CASC3: variants seen among roughly 807,000 people sequenced by gnomAD.
CASC3 encodes CASC3 exon junction complex subunit, also known as protein CASC3.
In CASC3, 30 loss-of-function variants were observed where a neutral mutation model predicts 80.5. The observed-to-expected ratio is 0.37, with a 90% CI of 0.28 to 0.51. CASC3 has a LOEUF of 0.51. CASC3 is among the 20% of genes least tolerant of loss of function. The pLI, the probability that CASC3 is intolerant of heterozygous loss-of-function variation, is 0.94. For missense variants in CASC3, 824 were observed against 922.2 expected, an observed-to-expected ratio of 0.89 and a Z score of 1.38; for synonymous variants, 312 against 333.6, an observed-to-expected ratio of 0.94 and a Z score of 0.70.
intron 3 of CASC3, among the ~76,000 whole-genome samples, chr17:40,150,439 TG>T (rs1988974824): frequency 6.6e-6 from 1 of 151,596 alleles, no homozygotes; most frequent in Non-Finnish European, 1.5e-5. Flanking sequence ...TGTGTGTGTG[TG>T]TGTGTAACCC....
intron 1 of CASC3, 160 bp downstream of exon 1, chr17:40,140,939 G>T: frequency 1.5e-6 from 1 of 648,422 alleles, no homozygotes. Flanking sequence ...GTTTGCATCC[G>T]GAGTTCCAAG....
At position 40,171,784 on chromosome 17, in the gene CASC3, G is replaced by A. The variant is rs1404324112; in HGVS notation, c.*1379G>A. On this transcript the variant is annotated 3_prime_UTR_variant, in exon 14 of 14. Transcript: ENST00000264645. ...AAAGATGGTGGCTGTGTCTCTCCCCGGTAATGTCACTGTTTTTATTCCTTC... is the reference window on the plus strand; with the variant it reads ...AAAGATGGTGGCTGTGTCTCTCCCCAGTAATGTCACTGTTTTTATTCCTTC... 17 of 1,164,538 alleles carry A rather than the reference G, an allele frequency of 1.5e-5. No homozygotes were observed. Among genetic ancestry groups the A allele is most frequent in the Non-Finnish European group, 1.7e-5 (16 of 929,706 alleles). The allele number at this position is 1,164,538 out of a possible 1,614,324, so 72.1% of individuals were successfully genotyped here. A position where few individuals can be genotyped will look rare whatever the true frequency, so the allele number is the denominator to read the frequency against.
chr17:40,165,839 C>T (rs1989436646), intron 7 of CASC3, among the ~76,000 whole-genome samples: 1 of 150,162 alleles, frequency 6.7e-6, no homozygotes, highest in Non-Finnish European at 1.5e-5. Context: ...GACCTTGGCT[C>T]ACTGCAACCT....
At chr17:40,162,583 GTT>G (rs1291047889) in intron 5 of CASC3, 140 bp from the exon 6 acceptor site, 8 of 763,316 alleles carry the variant, frequency 1.0e-5, no homozygotes, top group Middle Eastern at 3.9e-4. Context: ...GGGGAGGCCT[GTT>G]TTTTATAATC....
rs917281167 is a variant in CASC3 at position 40,162,217 on chromosome 17, G to A, written c.608+64G>A. The A allele has an allele frequency of 8.1e-6, 12 of 1,485,686 alleles. No individual in the cohort carries two copies. The Middle Eastern group carries it at 7.4e-4, about 92-fold the overall frequency. 92.0% of individuals were successfully genotyped at this position (1,485,686 alleles called of 1,614,324 possible). ...TTTACACATGTAGGCCAGGTACTTC[G>A]ATTTGCCTGTATTTCATTTATTACA... is the stretch of plus-strand genomic sequence containing the variant. On this transcript the variant is annotated intron_variant, in intron 5 of 13. Transcript: ENST00000264645.
At chr17:40,150,977 C>T (rs756728650) in intron 3 of CASC3, among the ~76,000 whole-genome samples, 3 of 151,980 alleles carry the variant, frequency 2.0e-5, no homozygotes, top group Non-Finnish European at 4.4e-5. Context: ...CACGCCACTG[C>T]ACTCCAGCCT....
chr17:40,152,768 T>C (rs1989043833), intron 3 of CASC3, among the ~76,000 whole-genome samples: 1 of 151,422 alleles, frequency 6.6e-6, no homozygotes, highest in South Asian at 2.1e-4. Context: ...CCTGACCAAG[T>C]ATACAGTACG....
chr17:40,171,995 C>T lies in CASC3; in HGVS notation c.*1590C>T. On this transcript the variant is annotated 3_prime_UTR_variant, in exon 14 of 14. Coordinates refer to ENST00000264645, the MANE Select transcript of CASC3 (RefSeq NM_007359.5). ...GAAGATGTCTCCTCAAGCCTGTGGG[C>T]AGCATGCCCAGATTCCCAGACCTTA... 1 of 1,289,958 alleles carries T rather than the reference C, an allele frequency of 7.8e-7. No homozygotes were observed. Among genetic ancestry groups the T allele is most frequent in the Non-Finnish European group, 1.0e-6 (1 of 988,854 alleles). 79.9% of individuals were successfully genotyped at this position (1,289,958 alleles called of 1,614,324 possible). A position where few individuals can be genotyped will look rare whatever the true frequency, so the allele number is the denominator to read the frequency against.
chr17:40,145,744 G>T (rs1567676492), intron 3 of CASC3, among the ~76,000 whole-genome samples: 1 of 151,838 alleles, frequency 6.6e-6, no homozygotes, highest in Non-Finnish European at 1.5e-5. Context: ...GATGCGATTG[G>T]ATTTATTTAT....
At chr17:40,144,658 C>CT (rs939136950) in intron 3 of CASC3, among the ~76,000 whole-genome samples, 4,933 of 118,956 alleles carry the variant, frequency 0.041, 174 homozygotes, top group African/African-American at 0.086. Flanking sequence ...GCCCAGCCCT[C>CT]TTTTTTTTTT....
chr17:40,167,787 A>T, intron 9 of CASC3, 63 bp from the exon 10 acceptor site: 7 of 1,451,242 alleles, frequency 4.8e-6, no homozygotes, highest in Non-Finnish European at 6.8e-6. Context: ...GGCTTGGGGA[A>T]CAAGGAGACT....
intron 3 of CASC3, among the ~76,000 whole-genome samples, chr17:40,159,438 C>T (rs555260320): frequency 1.3e-5 from 2 of 151,818 alleles, no homozygotes; most frequent in Admixed American, 6.6e-5. Flanking sequence ...TGCAGTGGTG[C>T]GATCTCGGTT....
chr17:40,156,611 C>A (rs1989151551), intron 3 of CASC3, among the ~76,000 whole-genome samples: 1 of 151,916 alleles, frequency 6.6e-6, no homozygotes, highest in Non-Finnish European at 1.5e-5. Context: ...ATGGCATGAA[C>A]CCGGGAGGCG....
At position 40,144,658 on chromosome 17, in the gene CASC3, C is replaced by CCT. The variant is rs1988807973; in HGVS notation, c.297+3051_297+3052insCT. Among the ~76,000 whole-genome samples, 2 of 119,134 alleles carry CCT rather than the reference C, an allele frequency of 1.7e-5. 1 individual carries two copies. The highest frequency in any genetic ancestry group is 3.5e-5 in the Non-Finnish European group (2 of 57,364). The allele number at this position is 119,134 out of a possible 152,430, so 78.2% of individuals were successfully genotyped here. A position where few individuals can be genotyped will look rare whatever the true frequency, so the allele number is the denominator to read the frequency against. On this transcript the variant is annotated intron_variant, in intron 3 of 13. Transcript: ENST00000264645. ...GGTGTGAGCCACTGTGCCCAGCCCT[C>CCT]TTTTTTTTTTTTTTTTTTTTTTAAA...
At position 40,163,621 on chromosome 17, in the gene CASC3, C is replaced by T. The variant is rs746965043; in HGVS notation, c.926C>T (p.Ala309Val). The change falls in exon 7 of 14, where the codon GCA becomes GTA. Residue 309 changes from alanine to valine, a missense_variant. Transcript: ENST00000264645. ...RNAAGTGRMSAPRNYSRSGGF... is the reference protein window; with the variant it reads ...RNAAGTGRMSVPRNYSRSGGF... ...GCTGCAGGTACCGGCCGTATGTCTG[C>T]ACCCAGGAATTATTCTCGATCTGGG... 9 of 1,614,190 alleles carry T rather than the reference C, an allele frequency of 5.6e-6. No homozygotes were observed. In the Admixed American group the frequency reaches 1.3e-4, roughly 24 times the overall value.
Position 40,144,526 on chromosome 17 carries a change from G to C in CASC3, c.297+2919G>C, listed in dbSNP as rs574102077. 1.1e-4 allele frequency among the ~76,000 whole-genome samples: 16 copies of C among 151,432 alleles called. No homozygotes were observed. The South Asian group carries it at 3.3e-3, about 32-fold the overall frequency. On this transcript the variant is annotated intron_variant, in intron 3 of 13. Transcript: ENST00000264645. ...CACCCAGCTAATTTTTGTATTTGTAGTAGAGACGGGGTTTTACCATGTTGG... is the reference window on the plus strand; with the variant it reads ...CACCCAGCTAATTTTTGTATTTGTACTAGAGACGGGGTTTTACCATGTTGG...
intron 6 of CASC3, 46 bp from the exon 7 acceptor site, chr17:40,163,435 T>C (rs763394259): frequency 6.5e-7 from 1 of 1,539,880 alleles, no homozygotes; most frequent in Non-Finnish European, 8.8e-7. Context: ...GCGCGTAGCC[T>C]CCTTTTGTTA....
At chr17:40,164,922 ATTT>A (rs552290996) in intron 7 of CASC3, among the ~76,000 whole-genome samples, 11 of 98,582 alleles carry the variant, frequency 1.1e-4, no homozygotes, top group African/African-American at 3.0e-4. Context: ...CACCTGGCTA[ATTT>A]TTTTTTTTTT....
chr17:40,162,209 G>C, intron 5 of CASC3, 56 bp downstream of exon 5: 1 of 1,534,142 alleles, frequency 6.5e-7, no homozygotes, highest in Non-Finnish European at 8.8e-7. Context: ...ATGTAGGCCA[G>C]GTACTTCGAT....
Sources: allele counts gnomAD v4.1 joint callset (sites outside exome capture counted in the v4.1 genomes callset), GRCh38; gene constraint gnomAD v4.1.1; transcripts MANE v1.5; gene names NCBI Gene and HGNC (gene_info 2026-07-23, HGNC 2026-07-21).